PARD3: variants seen among roughly 807,000 people sequenced by gnomAD.
PARD3 encodes par-3 family cell polarity regulator, also known as partitioning defective 3 homolog.
In PARD3, 75 loss-of-function variants were observed where a neutral mutation model predicts 155.4. The observed-to-expected ratio is 0.48, with a 90% CI of 0.40 to 0.58. The LOEUF (loss-of-function observed/expected upper bound fraction) is 0.58. PARD3 is among the 20% of genes least tolerant of loss of function. PARD3 has a pLI of 0.00. For missense variants in PARD3, 1,642 were observed against 1,721.7 expected (o/e 0.95, Z 0.82); for synonymous variants, 576 against 610.5 (o/e 0.94, Z 0.83).
intron 2 of PARD3, chr10:34,675,591 CT>C (rs112555249): frequency 0.027 from 3,897 of 143,056 alleles, 109 homozygotes; most frequent in African/African-American, 0.075. Flanking sequence ...AATACCCCAA[CT>C]TTTTTTTTTT....
In PARD3 at chr10:34,474,060, G is replaced by T. The variant is rs1170642011; in HGVS notation, c.404-3797C>A. On this transcript the variant is annotated intron_variant, in intron 3 of 24. Transcript: ENST00000374788. Reference sequence around the variant, plus strand: ...TCCTGCATCAGTCCCAGCTACTCAGGAGCCTTAGGTGGGAAGATCACTTGA... The same window carrying T: ...TCCTGCATCAGTCCCAGCTACTCAGTAGCCTTAGGTGGGAAGATCACTTGA... 2.6e-5 allele frequency among the ~76,000 whole-genome samples: 4 copies of T among 152,256 alleles called. No homozygotes were observed. In the East Asian group the frequency reaches 5.8e-4, roughly 22 times the overall value.
At chr10:34,194,541 T>C (rs990582012) in intron 22 of PARD3, among the ~76,000 whole-genome samples, 6 of 152,020 alleles carry the variant, frequency 3.9e-5, no homozygotes, top group African/African-American at 1.4e-4. Flanking sequence ...CTGTGGTTTC[T>C]GGAAATCAGT....
intron 1 of PARD3, among the ~76,000 whole-genome samples, chr10:34,710,464 G>A (rs1408343842): frequency 6.9e-6 from 1 of 144,868 alleles, no homozygotes; most frequent in Admixed American, 7.0e-5. Context: ...TAAAATGACT[G>A]TCCAATTCAC....
At chr10:34,717,992 A>G (rs1272780355) in intron 1 of PARD3, among the ~76,000 whole-genome samples, 1 of 151,962 alleles carries the variant, frequency 6.6e-6, no homozygotes, top group Non-Finnish European at 1.5e-5. Flanking sequence ...TGTCTCTACT[A>G]AAATACAAAA....
chr10:34,374,127 C>T (rs778930403), intron 11 of PARD3, among the ~76,000 whole-genome samples: 1 of 152,100 alleles, frequency 6.6e-6, no homozygotes. Context: ...AAAGGCAACT[C>T]CTCCAATTAT....
chr10:34,497,736 A>T (rs910189605), intron 3 of PARD3, among the ~76,000 whole-genome samples: 13 of 152,212 alleles, frequency 8.5e-5, no homozygotes, highest in African/African-American at 3.1e-4. Context: ...GCTAGGAAGC[A>T]ACATGAAATT....
chr10:34,812,406 G>A (rs774148885), intron 1 of PARD3, among the ~76,000 whole-genome samples: 1 of 152,106 alleles, frequency 6.6e-6, no homozygotes, highest in Non-Finnish European at 1.5e-5. Flanking sequence ...TCTTCACACA[G>A]AATTTCTCTT....
At chr10:34,342,210 C>T (rs149844042) in intron 15 of PARD3, among the ~76,000 whole-genome samples, 38 of 152,366 alleles carry the variant, frequency 2.5e-4, no homozygotes, top group Admixed American at 8.5e-4. Context: ...TTCATTCATT[C>T]ATTGAGCAAC....
chr10:34,376,629 G>A (rs933503113), intron 10 of PARD3, among the ~76,000 whole-genome samples: 2 of 152,122 alleles, frequency 1.3e-5, no homozygotes, highest in African/African-American at 2.4e-5. Context: ...TTTAACATAC[G>A]TTGTCACATG....
intron 23 of PARD3, among the ~76,000 whole-genome samples, chr10:34,129,935 G>GC (rs1267083432): frequency 6.7e-6 from 1 of 150,242 alleles, no homozygotes; most frequent in Admixed American, 6.7e-5. Flanking sequence ...CTCCCAAAGT[G>GC]TTGGGGTGAT....
intron 1 of PARD3, among the ~76,000 whole-genome samples, chr10:34,811,869 C>A (rs573296855): frequency 6.6e-6 from 1 of 152,282 alleles, no homozygotes; most frequent in African/African-American, 2.4e-5. Context: ...TCCCATCCTG[C>A]GCCCTCATGA....
At chr10:34,437,434 A>T (rs577937132) in intron 5 of PARD3, among the ~76,000 whole-genome samples, 1 of 152,324 alleles carries the variant, frequency 6.6e-6, no homozygotes, top group African/African-American at 2.4e-5. Flanking sequence ...TTACTCAGAG[A>T]ACTGAGGAAA....
In PARD3 at chr10:34,391,064, A is replaced by C. The variant is rs574857512; in HGVS notation, c.891-6810T>G. Among the ~76,000 whole-genome samples the C allele has an allele frequency of 2.0e-5, 3 of 152,330 alleles. No individual in the cohort carries two copies. The South Asian group carries it at 6.2e-4, about 32-fold the overall frequency. On this transcript the variant is annotated intron_variant, in intron 7 of 24. Transcript: ENST00000374788. ...GAATTTATTTTAAAAGTGTCATCTT[A>C]AACTGCAAGGATGTCTGTCAAATAT...
Position 34,296,173 on chromosome 10 carries a change from A to T in PARD3, c.3066-11928T>A, listed in dbSNP as rs570200419. Among the ~76,000 whole-genome samples the T allele has an allele frequency of 3.3e-5, 5 of 152,344 alleles. 1 individual carries two copies. The highest frequency in any genetic ancestry group is 1.2e-4 in the African/African-American group (5 of 41,588). On this transcript the variant is annotated intron_variant, in intron 20 of 24. Coordinates refer to ENST00000374788, the MANE Select transcript of PARD3 (RefSeq NM_001184785.2). ...AGATTTACACATTAAGAGTTCATGAAGTAAACTATATTATATTTTAAAATA... is the reference window on the plus strand; with the variant it reads ...AGATTTACACATTAAGAGTTCATGATGTAAACTATATTATATTTTAAAATA...
At chr10:34,643,466 G>T (rs1159642876) in intron 2 of PARD3, among the ~76,000 whole-genome samples, 2 of 152,166 alleles carry the variant, frequency 1.3e-5, no homozygotes, top group Non-Finnish European at 2.9e-5. Context: ...ATACATCAAA[G>T]CATCAATTAC....
rs1024520078 is a variant in PARD3, at chr10:34,640,810, C to T, written c.222+55508G>A. ...CACACTCCCTTTTACCCAGCAATGC[C>T]ATTGCCAGCTATATATTCTGTGGGA... On this transcript the variant is annotated intron_variant, in intron 2 of 24. Transcript: ENST00000374788. Among the ~76,000 whole-genome samples the T allele has an allele frequency of 2.0e-5, 3 of 150,166 alleles. No individual in the cohort carries two copies. The Admixed American group carries it at 2.0e-4, about 10-fold the overall frequency.
intron 1 of PARD3, among the ~76,000 whole-genome samples, chr10:34,798,084 C>T (rs1842475972): frequency 6.6e-6 from 1 of 151,972 alleles, no homozygotes; most frequent in Admixed American, 6.6e-5. Context: ...TTATGGGAGG[C>T]TGAGGCAAGA....
At chr10:34,480,136 T>C (rs958142382) in intron 3 of PARD3, among the ~76,000 whole-genome samples, 20 of 152,252 alleles carry the variant, frequency 1.3e-4, no homozygotes, top group African/African-American at 4.6e-4. Context: ...TCTTGGCATA[T>C]GGAGCAGAGC....
In PARD3 at chr10:34,488,123, G is replaced by A. The variant is rs542949537; in HGVS notation, c.404-17860C>T. The stretch of plus-strand genomic sequence containing the variant: ...AGTTTTCTGTCACCTCAGGATGTGC[G>A]TTTGAAGCTCCTGCACTTTACAAGA... On this transcript the variant is annotated intron_variant, in intron 3 of 24. Transcript: ENST00000374788. Among the ~76,000 whole-genome samples, 29 of 152,120 alleles carry A rather than the reference G, an allele frequency of 1.9e-4. No individual in the cohort carries two copies. The South Asian group carries it at 4.2e-3, about 22-fold the overall frequency.
Sources: allele counts gnomAD v4.1 joint callset (sites outside exome capture counted in the v4.1 genomes callset), GRCh38; gene constraint gnomAD v4.1.1; transcripts MANE v1.5; gene names NCBI Gene and HGNC (gene_info 2026-07-23, HGNC 2026-07-21).